Variants in ATG5 observed in about 807,000 individuals in gnomAD.
ATG5 encodes the protein autophagy protein 5.
Under a neutral mutation model 36.5 loss-of-function variants are expected in ATG5, and 14 were observed. The ratio of observed to expected loss-of-function variants is 0.38; its 90% CI spans 0.25 to 0.60. The LOEUF is 0.60. ATG5 is among the 20% of genes least tolerant of loss of function. The probability of loss-of-function intolerance (pLI) is 0.60; values close to 1 mark genes in which losing one functional copy is unlikely to be tolerated. For missense variants in ATG5, 195 were observed against 326.7 expected, an observed-to-expected ratio of 0.60 and a Z score of 3.11; for synonymous variants, 95 against 101.5, an observed-to-expected ratio of 0.94 and a Z score of 0.38.
chr6:106,290,202 T>C (rs753872898), intron 4 of ATG5, among the ~76,000 whole-genome samples: 7 of 148,914 alleles, frequency 4.7e-5, no homozygotes, highest in Non-Finnish European at 8.9e-5. Flanking sequence ...TATTTTATTT[T>C]ATTTTATTTT....
intron 6 of ATG5, among the ~76,000 whole-genome samples, chr6:106,246,115 AAATGG>A (rs1265302312): frequency 1.3e-5 from 2 of 152,168 alleles, no homozygotes; most frequent in African/African-American, 4.8e-5. Context: ...ATAAAAACCA[AAATGG>A]AACTGAGATA....
chr6:106,257,590 G>A (rs1033410360), intron 5 of ATG5, among the ~76,000 whole-genome samples: 1 of 152,162 alleles, frequency 6.6e-6, no homozygotes, highest in African/African-American at 2.4e-5. Context: ...AGGGATCTAG[G>A]TTCAAATTCT....
chr6:106,272,077 T>C (rs1779474197), intron 5 of ATG5, among the ~76,000 whole-genome samples: 1 of 152,184 alleles, frequency 6.6e-6, no homozygotes, highest in African/African-American at 2.4e-5. Flanking sequence ...ACAAAGTCCT[T>C]TCTCATCTTC....
intron 3 of ATG5, among the ~76,000 whole-genome samples, chr6:106,293,740 T>C (rs1287361200): frequency 2.6e-5 from 4 of 152,148 alleles, no homozygotes; most frequent in African/African-American, 7.2e-5. Context: ...AGTTCCAAAA[T>C]AAGAGAACAT....
intron 6 of ATG5, among the ~76,000 whole-genome samples, chr6:106,223,021 A>G (rs1777309829): frequency 6.6e-6 from 1 of 152,222 alleles, no homozygotes; most frequent in African/African-American, 2.4e-5. Context: ...ATAAATTCAT[A>G]ATGAGAAAAT....
At chr6:106,249,157 C>T (rs1180844850) in intron 5 of ATG5, among the ~76,000 whole-genome samples, 1 of 151,852 alleles carries the variant, frequency 6.6e-6, no homozygotes, top group Non-Finnish European at 1.5e-5. Context: ...TAAAATTCAC[C>T]CCTTTTAAAG....
chr6:106,243,912 T>A (rs1160102159), intron 6 of ATG5, among the ~76,000 whole-genome samples: 2 of 141,758 alleles, frequency 1.4e-5, no homozygotes, highest in African/African-American at 5.2e-5. Context: ...TCCTTTTTTT[T>A]TTTTTTTTTT....
chr6:106,197,529 G>T (rs540458533), intron 7 of ATG5, among the ~76,000 whole-genome samples: 84 of 146,968 alleles, frequency 5.7e-4, no homozygotes, highest in African/African-American at 2.2e-3. Context: ...GGGTTGGGGT[G>T]GGGGGGGCGG....
rs567047691 is a variant in ATG5, at chr6:106,218,948, A to C, written c.574-16859T>G. Among the ~76,000 whole-genome samples, 6 of 152,250 alleles carry C rather than the reference A, an allele frequency of 3.9e-5. No homozygotes were observed. In the East Asian group the frequency reaches 1.2e-3, roughly 29 times the overall value. On this transcript the variant is annotated intron_variant, in intron 6 of 7. Coordinates refer to ENST00000369076, the MANE Select transcript of ATG5 (RefSeq NM_004849.4). Reference sequence around the variant, plus strand: ...AGTAAAAATACTTTTTAGATTACTGAAGCAAAGAAAAGGAAGGATTCTATG... The same window carrying C: ...AGTAAAAATACTTTTTAGATTACTGCAGCAAAGAAAAGGAAGGATTCTATG...
chr6:106,236,067 T>TG (rs1777893335), intron 6 of ATG5, among the ~76,000 whole-genome samples: 2 of 152,236 alleles, frequency 1.3e-5, no homozygotes, highest in South Asian at 4.1e-4. Context: ...TAGTTTTGTC[T>TG]GTTCTAGAAC....
intron 7 of ATG5, 61 bp from the exon 8 acceptor site, chr6:106,186,737 T>G: frequency 2.5e-6 from 4 of 1,569,892 alleles, no homozygotes; most frequent in Non-Finnish European, 2.6e-6. Context: ...AAAAATAATC[T>G]GGTGCCTTTT....
At chr6:106,286,261 T>C (rs1780075396) in intron 4 of ATG5, among the ~76,000 whole-genome samples, 1 of 152,182 alleles carries the variant, frequency 6.6e-6, no homozygotes, top group African/African-American at 2.4e-5. Flanking sequence ...TTTGCTCTGC[T>C]TGAGCTCCAC....
chr6:106,246,984 C>T (rs1266395938), intron 6 of ATG5, among the ~76,000 whole-genome samples: 1 of 152,188 alleles, frequency 6.6e-6, no homozygotes, highest in Non-Finnish European at 1.5e-5. Context: ...AAAATATGGA[C>T]TATTTGAAAA....
intron 7 of ATG5, among the ~76,000 whole-genome samples, chr6:106,192,107 C>A (rs978963179): frequency 7.9e-5 from 12 of 152,002 alleles, no homozygotes; most frequent in African/African-American, 2.9e-4. Context: ...GAAACCTTCA[C>A]GTTTATTTAA....
At chr6:106,292,206 T>C in intron 4 of ATG5, among the ~76,000 whole-genome samples, 1 of 152,232 alleles carries the variant, frequency 6.6e-6, no homozygotes, top group East Asian at 1.9e-4. Flanking sequence ...AATGAATCAC[T>C]GTTCGTGATC....
chr6:106,216,827 T>C (rs1777057527), intron 6 of ATG5, among the ~76,000 whole-genome samples: 1 of 152,110 alleles, frequency 6.6e-6, no homozygotes, highest in Non-Finnish European at 1.5e-5. Flanking sequence ...TACTGCACTA[T>C]GATCATACCT....
chr6:106,201,938 G>C (rs1562207755), intron 7 of ATG5, 34 bp downstream of exon 7: 1 of 1,472,192 alleles, frequency 6.8e-7, no homozygotes, highest in African/African-American at 1.4e-5. Flanking sequence ...AACAGAAAAT[G>C]AAAGAAATGT....
At chr6:106,198,847 T>G (rs934465656) in intron 7 of ATG5, among the ~76,000 whole-genome samples, 1 of 151,584 alleles carries the variant, frequency 6.6e-6, no homozygotes, top group Non-Finnish European at 1.5e-5. Context: ...GGAGAAAATA[T>G]CTGCAAATTG....
At chr6:106,228,608 G>A (rs373605372) in intron 6 of ATG5, among the ~76,000 whole-genome samples, 6 of 152,052 alleles carry the variant, frequency 3.9e-5, no homozygotes, top group South Asian at 2.1e-4. Flanking sequence ...CACCATCTTC[G>A]GAGTTCTGGG....
Sources: gnomAD v4.1 joint callset for allele counts (sites outside exome capture counted in the v4.1 genomes callset) on GRCh38, gnomAD v4.1.1 for gene constraint, MANE v1.5 for transcripts, NCBI Gene and HGNC (gene_info 2026-07-23, HGNC 2026-07-21) for gene names.